MOB3B: variants seen among roughly 807,000 people sequenced by gnomAD.
MOB3B encodes the protein MOB kinase activator-like 2B.
Under a neutral mutation model 18.7 loss-of-function variants are expected in MOB3B, and 7 were observed. The observed-to-expected ratio is 0.37, with a 90% confidence interval of 0.21 to 0.70. The LOEUF is 0.70. MOB3B is among the 30% of genes least tolerant of loss of function. The pLI is 0.52. For synonymous variants in MOB3B, 111 were observed against 99.9 expected (o/e 1.11, Z -0.66); for missense variants, 253 against 281.3 (o/e 0.90, Z 0.72).
chr9:27,327,664 A>G lies in MOB3B; in HGVS notation c.*2923T>C, dbSNP rs1263310539. 3 of 152,212 alleles carry G rather than the reference A, an allele frequency of 2.0e-5. No homozygotes were observed. The highest frequency in any genetic ancestry group is 3.9e-4 in the East Asian group (2 of 5,194). 9.4% of individuals were successfully genotyped at this position (152,212 alleles called of 1,614,324 possible). Reference sequence around the variant, plus strand: ...AAGGAAACAAAAGAGAATGACAACTACATATAACGTATAATTCTTGATTGG... The same window carrying G: ...AAGGAAACAAAAGAGAATGACAACTGCATATAACGTATAATTCTTGATTGG... On this transcript the variant is annotated 3_prime_UTR_variant, in exon 4 of 4. Coordinates refer to ENST00000262244, the MANE Select transcript of MOB3B (RefSeq NM_024761.5).
chr9:27,524,802 C>T (rs1267692154), intron 1 of MOB3B: 11 of 1,614,066 alleles, frequency 6.8e-6, no homozygotes, highest in Non-Finnish European at 9.3e-6. Flanking sequence ...CAGGGTCCCC[C>T]AGCTGAGCAG....
intron 1 of MOB3B, among the ~76,000 whole-genome samples, chr9:27,528,204 G>A (rs777480223): frequency 7.9e-5 from 12 of 152,146 alleles, no homozygotes; most frequent in Admixed American, 2.0e-4. Flanking sequence ...TCTTTTTGGC[G>A]ACTAGCCTGC....
intron 1 of MOB3B, among the ~76,000 whole-genome samples, chr9:27,476,698 C>A (rs1325482320): frequency 6.6e-6 from 1 of 152,164 alleles, no homozygotes; most frequent in African/African-American, 2.4e-5. Flanking sequence ...AAGCTCTTTA[C>A]CCAGTGTGGC....
intron 1 of MOB3B, among the ~76,000 whole-genome samples, chr9:27,486,014 T>A (rs1247004967): frequency 6.6e-6 from 1 of 152,224 alleles, no homozygotes; most frequent in Non-Finnish European, 1.5e-5. Flanking sequence ...AAGATATAAC[T>A]CTTCTCTTAG....
intron 1 of MOB3B, among the ~76,000 whole-genome samples, chr9:27,488,638 C>A (rs1395198856): frequency 6.6e-6 from 1 of 152,168 alleles, no homozygotes; most frequent in East Asian, 1.9e-4. Context: ...GAACTCCTGA[C>A]CTTACGTGGT....
chr9:27,477,401 C>T (rs1819570507), intron 1 of MOB3B, among the ~76,000 whole-genome samples: 1 of 152,168 alleles, frequency 6.6e-6, no homozygotes, highest in African/African-American at 2.4e-5. Flanking sequence ...CAAACCAGTC[C>T]CTCTCTCTCC....
intron 2 of MOB3B, among the ~76,000 whole-genome samples, chr9:27,404,177 AC>A (rs1331546044): frequency 1.3e-5 from 2 of 151,652 alleles, no homozygotes; most frequent in African/African-American, 4.8e-5. Flanking sequence ...CCACATATTA[AC>A]GAGAACATGT....
Position 27,378,971 on chromosome 9 carries a change from T to C in MOB3B, c.419-19735A>G, listed in dbSNP as rs543305336. On this transcript the variant is annotated intron_variant, in intron 2 of 3. Transcript: ENST00000262244. ...TCTCTTTCCACTGCTCTGTTCTGCC[T>C]CCTCAGGGTCAGAAGGAACCCCTTC... is the stretch of plus-strand genomic sequence containing the variant. 5.3e-5 allele frequency among the ~76,000 whole-genome samples: 8 copies of C among 152,292 alleles called. No homozygotes were observed. In the East Asian group the frequency reaches 1.5e-3, roughly 29 times the overall value.
chr9:27,500,511 T>G (rs1182965402), intron 1 of MOB3B, among the ~76,000 whole-genome samples: 2 of 152,160 alleles, frequency 1.3e-5, no homozygotes, highest in Admixed American at 1.3e-4. Context: ...GATTACCTAT[T>G]TAATAAATGG....
intron 2 of MOB3B, among the ~76,000 whole-genome samples, chr9:27,415,852 C>G (rs1822138348): frequency 6.6e-6 from 1 of 152,200 alleles, no homozygotes; most frequent in South Asian, 2.1e-4. Flanking sequence ...ACATCTGGTT[C>G]TAAACTGCAA....
intron 2 of MOB3B, among the ~76,000 whole-genome samples, chr9:27,428,081 C>T (rs1431453387): frequency 6.6e-6 from 1 of 152,190 alleles, no homozygotes; most frequent in African/African-American, 2.4e-5. Flanking sequence ...TAACAGCAGC[C>T]ACTGCAAGCT....
At chr9:27,454,509 C>G (rs1822839986) in intron 2 of MOB3B, among the ~76,000 whole-genome samples, 1 of 152,240 alleles carries the variant, frequency 6.6e-6, no homozygotes, top group Non-Finnish European at 1.5e-5. Context: ...AGAAGACTGA[C>G]TGGTCCTTCC....
At chr9:27,353,797 T>C (rs1035402629) in intron 3 of MOB3B, among the ~76,000 whole-genome samples, 6 of 152,234 alleles carry the variant, frequency 3.9e-5, no homozygotes, top group South Asian at 2.1e-4. Flanking sequence ...AACAAAACAC[T>C]GCGGGCTATT....
chr9:27,524,568 C>G (rs1820399460), intron 1 of MOB3B: 1 of 1,613,928 alleles, frequency 6.2e-7, no homozygotes, highest in South Asian at 1.1e-5. Flanking sequence ...ATACACCCAA[C>G]CTATGAAGAG....
chr9:27,427,374 A>C (rs1392642809), intron 2 of MOB3B, among the ~76,000 whole-genome samples: 1 of 152,218 alleles, frequency 6.6e-6, no homozygotes, highest in Non-Finnish European at 1.5e-5. Context: ...CCTGCCAGAC[A>C]ATTCCCATGT....
chr9:27,518,671 TG>T lies in MOB3B; in HGVS notation c.-199+10883del, dbSNP rs1820276746. Among the ~76,000 whole-genome samples, 3 of 152,302 alleles carry T rather than the reference TG, an allele frequency of 2.0e-5. No homozygotes were observed. The East Asian group carries it at 5.8e-4, about 29-fold the overall frequency. The stretch of plus-strand genomic sequence containing the variant: ...CTTCAGTTGGGCTGGAAAAGACAAC[TG>T]GATATTAGTTTGTCCAAAGAGCCCC... On this transcript the variant is annotated intron_variant, in intron 1 of 3. Coordinates refer to ENST00000262244, the MANE Select transcript of MOB3B (RefSeq NM_024761.5).
At chr9:27,344,571 G>A (rs150378339) in intron 3 of MOB3B, among the ~76,000 whole-genome samples, 269 of 152,312 alleles carry the variant, frequency 1.8e-3, no homozygotes, top group African/African-American at 6.0e-3. Context: ...TGTCGTAGCC[G>A]TCAGGGAAAG....
chr9:27,529,462 G>T (rs1820497242), intron 1 of MOB3B, 93 bp downstream of exon 1: 2 of 827,364 alleles, frequency 2.4e-6, no homozygotes, highest in Non-Finnish European at 2.9e-6. Flanking sequence ...GCCCAGGTGC[G>T]CCCCAAACCT....
At chr9:27,453,831 CT>C (rs1281905692) in intron 2 of MOB3B, among the ~76,000 whole-genome samples, 1 of 152,142 alleles carries the variant, frequency 6.6e-6, no homozygotes, top group African/African-American at 2.4e-5. Flanking sequence ...CAAAAGTAGC[CT>C]ATGACAGTCA....
Sources: allele counts gnomAD v4.1 joint callset (sites outside exome capture counted in the v4.1 genomes callset), GRCh38; gene constraint gnomAD v4.1.1; transcripts MANE v1.5; gene names NCBI Gene and HGNC (gene_info 2026-07-23, HGNC 2026-07-21).